Variants in DPF3 observed in about 807,000 individuals in gnomAD.
DPF3 encodes the protein zinc finger protein DPF3.
DPF3 carries 18 observed loss-of-function variants against 56.8 expected under a neutral mutation model. That is an observed-to-expected ratio of 0.32 (90% CI 0.22 to 0.47). The LOEUF is 0.47. Ranked by LOEUF, DPF3 falls within the 20% of genes least tolerant of loss-of-function variation. DPF3 has a pLI of 1.00. For missense variants in DPF3, 403 were observed against 488.8 expected (o/e 0.82, Z 1.65); for synonymous variants, 188 against 180.2 (o/e 1.04, Z -0.35).
chr14:72,827,835 C>T (rs139251394), intron 1 of DPF3, among the ~76,000 whole-genome samples: 9 of 152,080 alleles, frequency 5.9e-5, no homozygotes, highest in African/African-American at 2.2e-4. Context: ...GCCTGTACTC[C>T]GAGCATCTCA....
intron 1 of DPF3, among the ~76,000 whole-genome samples, chr14:72,876,415 A>G (rs1365735078): frequency 6.6e-6 from 1 of 152,086 alleles, no homozygotes; most frequent in Non-Finnish European, 1.5e-5. Context: ...CTCCCCCTGG[A>G]GCCTCTCTTT....
In DPF3 at chr14:72,678,105, A is replaced by G. The variant is rs548333671; in HGVS notation, c.743-3737T>C. On this transcript the variant is annotated intron_variant, in intron 7 of 10. Transcript: ENST00000556509. ...TTTGTGAAGTAGGGAATTTTTTGAC[A>G]GATGCAGTAACTGAAATCCAAAGAG... 9.2e-5 allele frequency among the ~76,000 whole-genome samples: 14 copies of G among 152,318 alleles called. No homozygotes were observed. In the South Asian group the frequency reaches 2.9e-3, roughly 32 times the overall value.
chr14:72,754,779 C>A (rs566617053), intron 2 of DPF3, among the ~76,000 whole-genome samples: 1 of 152,312 alleles, frequency 6.6e-6, no homozygotes, highest in South Asian at 2.1e-4. Context: ...CAACTCTACC[C>A]ATTTATTGGG....
intron 8 of DPF3, among the ~76,000 whole-genome samples, chr14:72,650,252 C>T (rs1885868287): frequency 6.6e-6 from 1 of 152,144 alleles, no homozygotes; most frequent in East Asian, 1.9e-4. Flanking sequence ...CCTGAATGAC[C>T]CCAGGGCAAA....
At chr14:72,732,364 A>G (rs1567215065) in intron 3 of DPF3, among the ~76,000 whole-genome samples, 1 of 152,214 alleles carries the variant, frequency 6.6e-6, no homozygotes, top group Non-Finnish European at 1.5e-5. Context: ...AAACTCAAGC[A>G]ATGCACAATG....
chr14:72,697,687 T>C (rs1486595847), intron 6 of DPF3, among the ~76,000 whole-genome samples: 1 of 152,170 alleles, frequency 6.6e-6, no homozygotes, highest in African/African-American at 2.4e-5. Flanking sequence ...TGCTTAAGAT[T>C]GTAGGGCAGA....
At chr14:72,688,231 T>C (rs1056514494) in intron 7 of DPF3, among the ~76,000 whole-genome samples, 1 of 107,422 alleles carries the variant, frequency 9.3e-6, no homozygotes, top group East Asian at 3.2e-4. Flanking sequence ...GATGGATGGA[T>C]GGATGGGATG....
chr14:72,769,610 G>A (rs12147515), intron 2 of DPF3, among the ~76,000 whole-genome samples: 51,498 of 148,424 alleles, frequency 0.35, 9,044 homozygotes, highest in Middle Eastern at 0.38. Context: ...AACCCGGGAG[G>A]CAGAGGTTGC....
chr14:72,648,902 CCTT>C (rs1885811652), intron 8 of DPF3, among the ~76,000 whole-genome samples: 1 of 152,112 alleles, frequency 6.6e-6, no homozygotes, highest in African/African-American at 2.4e-5. Context: ...TTTCTCTGCT[CCTT>C]CTTCTTTTAG....
intron 3 of DPF3, among the ~76,000 whole-genome samples, chr14:72,752,961 C>A (rs17780783): frequency 0.18 from 27,897 of 152,166 alleles, 2,809 homozygotes; most frequent in East Asian, 0.25. Flanking sequence ...AAGAGCTGCA[C>A]ATCCTTCAGT....
chr14:72,700,624 G>A (rs1434436471), intron 6 of DPF3, among the ~76,000 whole-genome samples: 1 of 152,166 alleles, frequency 6.6e-6, no homozygotes, highest in African/African-American at 2.4e-5. Flanking sequence ...ACCCAGGCCT[G>A]GCTTCTAGAT....
At chr14:72,758,622 C>T (rs1269810863) in intron 2 of DPF3, among the ~76,000 whole-genome samples, 1 of 152,128 alleles carries the variant, frequency 6.6e-6, no homozygotes, top group African/African-American at 2.4e-5. Context: ...TTAGAGGTAA[C>T]AGCGCTCGGT....
At chr14:72,864,155 C>G (rs1377953583) in intron 1 of DPF3, among the ~76,000 whole-genome samples, 1 of 151,154 alleles carries the variant, frequency 6.6e-6, no homozygotes, top group African/African-American at 2.4e-5. Context: ...CCCATACACA[C>G]TCCCCAGGGC....
At chr14:72,684,075 C>A (rs1445103773) in intron 7 of DPF3, among the ~76,000 whole-genome samples, 1 of 152,154 alleles carries the variant, frequency 6.6e-6, no homozygotes, top group Admixed American at 6.5e-5. Flanking sequence ...GAAACAAGAT[C>A]TCTCTCTGTC....
At chr14:72,633,960 G>T (rs1469993951) in intron 8 of DPF3, among the ~76,000 whole-genome samples, 1 of 152,206 alleles carries the variant, frequency 6.6e-6, no homozygotes, top group African/African-American at 2.4e-5. Flanking sequence ...CCTGTTGGAA[G>T]TTTCTGAAAC....
chr14:72,670,977 G>A (rs1886646168), intron 8 of DPF3: 3 of 570,574 alleles, frequency 5.3e-6, no homozygotes, highest in South Asian at 2.0e-5. Context: ...AGGGGTGGGG[G>A]GAGGGATGGA....
chr14:72,833,938 T>C (rs1479933846), intron 1 of DPF3, among the ~76,000 whole-genome samples: 1 of 151,726 alleles, frequency 6.6e-6, no homozygotes, highest in African/African-American at 2.4e-5. Context: ...TCCCAGCACT[T>C]TGGGAGGTCG....
chr14:72,734,240 C>T (rs1460824602), intron 3 of DPF3, among the ~76,000 whole-genome samples: 7 of 152,132 alleles, frequency 4.6e-5, no homozygotes, highest in African/African-American at 1.4e-4. Flanking sequence ...GGGAGGAAAA[C>T]GACAGAATGA....
chr14:72,624,647 A>G (rs1884709750), intron 9 of DPF3, among the ~76,000 whole-genome samples: 1 of 152,086 alleles, frequency 6.6e-6, no homozygotes, highest in East Asian at 1.9e-4. Context: ...CCCCCAACCT[A>G]TGTCTCTTTA....
Sources: gnomAD v4.1 joint callset for allele counts (sites outside exome capture counted in the v4.1 genomes callset) on GRCh38, gnomAD v4.1.1 for gene constraint, MANE v1.5 for transcripts, NCBI Gene and HGNC (gene_info 2026-07-23, HGNC 2026-07-21) for gene names.